Variants in NMNAT2 observed in about 807,000 individuals in gnomAD.
NMNAT2 encodes nicotinamide nucleotide adenylyltransferase 2.
Under a neutral mutation model 41.6 loss-of-function variants are expected in NMNAT2, and 11 were observed. The ratio of observed to expected loss-of-function variants is 0.26; its 90% CI spans 0.17 to 0.44. The LOEUF (loss-of-function observed/expected upper bound fraction) is 0.44. Ranked by LOEUF, NMNAT2 falls within the 20% of genes least tolerant of loss-of-function variation. The pLI is 1.00. For synonymous variants in NMNAT2, 148 were observed against 151.2 expected (o/e 0.98, Z 0.16); for missense variants, 288 against 407.7 (o/e 0.71, Z 2.53).
At chr1:183,257,795 T>TC (rs975314311) in intron 10 of NMNAT2, among the ~76,000 whole-genome samples, 2 of 152,084 alleles carry the variant, frequency 1.3e-5, no homozygotes, top group Non-Finnish European at 2.9e-5. Context: ...TGTTTTTTTT[T>TC]TTCAAAAAAC....
At chr1:183,275,827 C>G (rs1178630350) in intron 8 of NMNAT2, among the ~76,000 whole-genome samples, 4 of 152,136 alleles carry the variant, frequency 2.6e-5, no homozygotes, top group Non-Finnish European at 5.9e-5. Flanking sequence ...AGCCCGCCAC[C>G]ACGCCCAGCT....
At chr1:183,417,860 C>T (rs1209358213) in intron 1 of NMNAT2, among the ~76,000 whole-genome samples, 1 of 152,132 alleles carries the variant, frequency 6.6e-6, no homozygotes, top group African/African-American at 2.4e-5. Flanking sequence ...GCCTGGTAGC[C>T]GAACCACCGC....
intron 1 of NMNAT2, among the ~76,000 whole-genome samples, chr1:183,407,543 C>T (rs1648991365): frequency 6.6e-6 from 1 of 152,018 alleles, no homozygotes; most frequent in African/African-American, 2.4e-5. Context: ...TTTTAAGTAT[C>T]TTCATGTTCC....
chr1:183,394,967 C>T (rs867577447), intron 1 of NMNAT2, among the ~76,000 whole-genome samples: 2 of 152,174 alleles, frequency 1.3e-5, no homozygotes, highest in African/African-American at 4.8e-5. Flanking sequence ...ACAATATCCC[C>T]GGATGGCAGT....
At chr1:183,332,357 CTT>C (rs1389381786) in intron 1 of NMNAT2, among the ~76,000 whole-genome samples, 1 of 152,160 alleles carries the variant, frequency 6.6e-6, no homozygotes, top group Non-Finnish European at 1.5e-5. Context: ...ACCTAACTGT[CTT>C]TTGGGGAAAT....
Position 183,402,137 on chromosome 1 carries a change from C to G in NMNAT2, c.85+16046G>C, listed in dbSNP as rs142630033. On this transcript the variant is annotated intron_variant, in intron 1 of 10. Transcript: ENST00000287713. ...GGGTCACATAGCATGTTTGCAACTT[C>G]TGTTTCTTAGATTATAGGCTGACTC... Among the ~76,000 whole-genome samples, 654 of 152,184 alleles carry G rather than the reference C, an allele frequency of 4.3e-3. 5 individuals carry two copies. Among genetic ancestry groups the G allele is most frequent in the African/African-American group, 0.015 (619 of 41,518 alleles).
At chr1:183,377,916 A>G (rs1344280117) in intron 1 of NMNAT2, among the ~76,000 whole-genome samples, 2 of 152,202 alleles carry the variant, frequency 1.3e-5, no homozygotes, top group Non-Finnish European at 2.9e-5. Flanking sequence ...AAACTATAAG[A>G]AAGAATCAAA....
chr1:183,370,318 C>G (rs923441157), intron 1 of NMNAT2, among the ~76,000 whole-genome samples: 1 of 149,154 alleles, frequency 6.7e-6, no homozygotes, highest in African/African-American at 2.5e-5. Flanking sequence ...CCAGACAGAC[C>G]TAGTTCCAGG....
At position 183,343,357 on chromosome 1, in the gene NMNAT2, C is replaced by T. The variant is rs1192093889; in HGVS notation, c.86-49564G>A. 3.3e-5 allele frequency among the ~76,000 whole-genome samples: 5 copies of T among 152,228 alleles called. No homozygotes were observed. In the East Asian group the frequency reaches 9.6e-4, roughly 29 times the overall value. ...TATTGAACAACCACAATGTTCTCCT[C>T]ATGCAGGCCTTAGTTTATCTGTCAT... On this transcript the variant is annotated intron_variant, in intron 1 of 10. Coordinates refer to ENST00000287713, the MANE Select transcript of NMNAT2 (RefSeq NM_015039.4).
At chr1:183,402,885 T>G (rs993435502) in intron 1 of NMNAT2, among the ~76,000 whole-genome samples, 1 of 109,610 alleles carries the variant, frequency 9.1e-6, no homozygotes. Context: ...TCCTTTAATC[T>G]CTACAGATTG....
intron 1 of NMNAT2, among the ~76,000 whole-genome samples, chr1:183,312,900 C>T (rs767935545): frequency 1.1e-4 from 17 of 152,202 alleles, no homozygotes; most frequent in Non-Finnish European, 1.9e-4. Context: ...TGTTCAATAA[C>T]AACATTGCTT....
intron 8 of NMNAT2, chr1:183,266,520 T>G (rs1479995111): frequency 2.0e-5 from 3 of 153,262 alleles, no homozygotes; most frequent in Non-Finnish European, 2.9e-5. Flanking sequence ...ATAGTCGCTT[T>G]ACAAAAGGTG....
chr1:183,347,320 G>T (rs937465366), intron 1 of NMNAT2, among the ~76,000 whole-genome samples: 2 of 152,142 alleles, frequency 1.3e-5, no homozygotes, highest in African/African-American at 4.8e-5. Flanking sequence ...GCTGGGCATG[G>T]TGGTGCATGC....
At chr1:183,371,481 T>C (rs916618889) in intron 1 of NMNAT2, among the ~76,000 whole-genome samples, 8 of 152,250 alleles carry the variant, frequency 5.3e-5, no homozygotes, top group Non-Finnish European at 1.0e-4. Flanking sequence ...GAGTGGTGTG[T>C]GGATGCCGCT....
chr1:183,292,600 C>T (rs1198035939), intron 3 of NMNAT2, among the ~76,000 whole-genome samples, 190 bp downstream of exon 3: 1 of 152,216 alleles, frequency 6.6e-6, no homozygotes, highest in Admixed American at 6.5e-5. Flanking sequence ...ATGGGCCTCA[C>T]AGTTTGGTTC....
chr1:183,369,606 C>T (rs182919858), intron 1 of NMNAT2, among the ~76,000 whole-genome samples: 63 of 151,942 alleles, frequency 4.1e-4, no homozygotes, highest in Non-Finnish European at 7.5e-4. Context: ...GGTAAATATT[C>T]ATAGCAATAA....
In NMNAT2 at chr1:183,418,248, G is replaced by T. The variant is rs1168683859; in HGVS notation, c.20C>A (p.Thr7Asn). 6.2e-7 allele frequency: 1 copy of T among 1,614,142 alleles called. No individual in the cohort carries two copies. Among genetic ancestry groups the T allele is most frequent in the South Asian group, 1.1e-5 (1 of 91,078 alleles). MTETTK[T>N]HVILLACGSF... ...GCCGCAGGCGAGCAAGATAACGTGGGTCTTGGTGGTCTCGGTCATGGTGCA... is the reference window on the plus strand; with the variant it reads ...GCCGCAGGCGAGCAAGATAACGTGGTTCTTGGTGGTCTCGGTCATGGTGCA... Residue 7 changes from threonine to asparagine, a missense_variant, in exon 1 of 11, where the codon ACC (threonine) becomes AAC (asparagine). Around this residue, in one of 3 missense-constraint regions of NMNAT2, gnomAD observed 100 missense variants for 168.5 expected, o/e 0.59. Transcript: ENST00000287713.
chr1:183,363,792 G>T (rs1416068959), intron 1 of NMNAT2, among the ~76,000 whole-genome samples: 1 of 152,188 alleles, frequency 6.6e-6, no homozygotes, highest in Admixed American at 6.5e-5. Flanking sequence ...GAGAGGGTTG[G>T]ATAACATGAC....
chr1:183,396,252 C>A (rs1648646480), intron 1 of NMNAT2, among the ~76,000 whole-genome samples: 2 of 152,104 alleles, frequency 1.3e-5, no homozygotes, highest in South Asian at 2.1e-4. Context: ...ATGAGCAGGG[C>A]AGGAGAGGTC....
Sources: allele counts gnomAD v4.1 joint callset (sites outside exome capture counted in the v4.1 genomes callset), GRCh38; gene constraint gnomAD v4.1.1; regional missense constraint gnomAD v4.1.1; transcripts MANE v1.5; gene names NCBI Gene and HGNC (gene_info 2026-07-23, HGNC 2026-07-21).